Variants in KSR1 observed in about 807,000 individuals in gnomAD.
KSR1 encodes the protein kinase suppressor of ras 1.
In KSR1, 35 loss-of-function variants were observed where a neutral mutation model predicts 92.9. The ratio of observed to expected loss-of-function variants is 0.38; its 90% CI spans 0.29 to 0.50. KSR1 has a LOEUF of 0.50. Ranked by LOEUF, KSR1 falls within the 20% of genes least tolerant of loss-of-function variation. The pLI is 0.94. For synonymous variants in KSR1, 467 were observed against 472.6 expected, an observed-to-expected ratio of 0.99 and a Z score of 0.15; for missense variants, 972 against 1,158.5, an observed-to-expected ratio of 0.84 and a Z score of 2.34.
At chr17:27,576,707 GTGCATAGT>G (rs1424843695) in intron 2 of KSR1, among the ~76,000 whole-genome samples, 1 of 152,226 alleles carries the variant, frequency 6.6e-6, no homozygotes, top group African/African-American at 2.4e-5. Context: ...ACTCAGAATG[GTGCATAGT>G]TTAAAACTAT....
At chr17:27,611,299 C>T (rs112518000) in intron 17 of KSR1, 195 bp from the exon 18 acceptor site, 48 of 620,900 alleles carry the variant, frequency 7.7e-5, no homozygotes, top group South Asian at 1.4e-4. Context: ...TCCCACCCAA[C>T]GAGAGCACAG....
chr17:27,583,001 C>T lies in KSR1; in HGVS notation c.876C>T (p.Pro292=). ...KLKPPRTPPP[P]SRKVFQLLPS... is the part of the protein sequence containing the mutation. Reference sequence around the variant, plus strand: ...AGCCACCACGGACGCCCCCCCCACCCAGCCGCAAGGTCTTCCAGCTGCTGC... The same window carrying T: ...AGCCACCACGGACGCCCCCCCCACCTAGCCGCAAGGTCTTCCAGCTGCTGC... The change falls in exon 4 of 21, where the codon CCC becomes CCT. Residue 292 remains proline (P), a synonymous_variant. Transcript: ENST00000644974. 1 of 1,610,142 alleles carries T rather than the reference C, an allele frequency of 6.2e-7. No individual in the cohort carries two copies.
intron 2 of KSR1, among the ~76,000 whole-genome samples, chr17:27,570,477 C>T (rs2072263158): frequency 6.6e-6 from 1 of 152,192 alleles, no homozygotes; most frequent in Admixed American, 6.5e-5. Flanking sequence ...TCTCTTTCTC[C>T]CCTTTGACCT....
chr17:27,583,692 C>G (rs866637548), intron 4 of KSR1, among the ~76,000 whole-genome samples: 1 of 152,264 alleles, frequency 6.6e-6, no homozygotes, highest in African/African-American at 2.4e-5. Flanking sequence ...ACCATCTACT[C>G]TGTCCCATGA....
chr17:27,486,053 G>A (rs1332091440), intron 1 of KSR1, among the ~76,000 whole-genome samples: 1 of 152,198 alleles, frequency 6.6e-6, no homozygotes, highest in African/African-American at 2.4e-5. Flanking sequence ...ATGAACTCAG[G>A]TTTATGAGTG....
intron 1 of KSR1, among the ~76,000 whole-genome samples, chr17:27,542,196 A>G (rs551162695): frequency 3.9e-5 from 6 of 152,336 alleles, no homozygotes; most frequent in African/African-American, 1.4e-4. Context: ...AGGTAGAGGA[A>G]GTGATATGGT....
At chr17:27,467,403 A>G (rs891575321) in intron 1 of KSR1, among the ~76,000 whole-genome samples, 2 of 152,254 alleles carry the variant, frequency 1.3e-5, no homozygotes, top group African/African-American at 4.8e-5. Flanking sequence ...CTGAAAAATT[A>G]ACTCACAACA....
chr17:27,510,001 G>A (rs2069539497), intron 1 of KSR1, among the ~76,000 whole-genome samples: 1 of 152,140 alleles, frequency 6.6e-6, no homozygotes, highest in African/African-American at 2.4e-5. Flanking sequence ...TCCTAGTTTT[G>A]GGGGCCTGAG....
chr17:27,467,416 T>G (rs113880616), intron 1 of KSR1, among the ~76,000 whole-genome samples: 5,726 of 152,298 alleles, frequency 0.038, 338 homozygotes, highest in African/African-American at 0.13. Context: ...TCACAACATA[T>G]AGATGACTAA....
intron 19 of KSR1, among the ~76,000 whole-genome samples, chr17:27,620,665 G>T (rs892495784): frequency 5.9e-5 from 9 of 152,160 alleles, no homozygotes; most frequent in Non-Finnish European, 1.3e-4. Context: ...GGAGCATGGG[G>T]CTCTTAGCAG....
intron 2 of KSR1, among the ~76,000 whole-genome samples, chr17:27,555,516 G>A (rs2071559266): frequency 3.5e-5 from 2 of 57,042 alleles, no homozygotes; most frequent in Admixed American, 1.9e-4. Flanking sequence ...TTTGGCGTGT[G>A]TGTGTGTGTG....
At chr17:27,541,230 A>C (rs1358101797) in intron 1 of KSR1, among the ~76,000 whole-genome samples, 2 of 152,234 alleles carry the variant, frequency 1.3e-5, no homozygotes, top group African/African-American at 2.4e-5. Flanking sequence ...GCTGGTCCAC[A>C]ACTGCACCTG....
rs180958346 is a variant in KSR1 at position 27,575,582 on chromosome 17, A to G, written c.373-1910A>G. ...CCTTCTCTCTCACCCTATGATTAAGAATGCCTGACTTCCTGGGGATGCAGC... is the reference window on the plus strand; with the variant it reads ...CCTTCTCTCTCACCCTATGATTAAGGATGCCTGACTTCCTGGGGATGCAGC... On this transcript the variant is annotated intron_variant, in intron 2 of 20. Transcript: ENST00000644974. 2.1e-4 allele frequency among the ~76,000 whole-genome samples: 32 copies of G among 152,234 alleles called. No individual in the cohort carries two copies. The East Asian group carries it at 6.2e-3, about 29-fold the overall frequency.
At chr17:27,603,184 C>T (rs1347935741) in intron 11 of KSR1, among the ~76,000 whole-genome samples, 5 of 152,218 alleles carry the variant, frequency 3.3e-5, no homozygotes, top group Non-Finnish European at 5.9e-5. Flanking sequence ...ACTGGGAACA[C>T]CCCAGGCTCA....
intron 11 of KSR1, among the ~76,000 whole-genome samples, chr17:27,603,395 G>A (rs1232824713): frequency 1.3e-5 from 2 of 152,268 alleles, no homozygotes; most frequent in Non-Finnish European, 2.9e-5. Context: ...GCTGGCCAAA[G>A]TGAGGGAATC....
chr17:27,547,749 G>A (rs2151082648), intron 1 of KSR1, among the ~76,000 whole-genome samples: 1 of 152,174 alleles, frequency 6.6e-6, no homozygotes, highest in Middle Eastern at 3.4e-3. Flanking sequence ...CGATCACTAA[G>A]GCTGGCAGGC....
chr17:27,491,936 T>C (rs936278506), intron 1 of KSR1, among the ~76,000 whole-genome samples: 1 of 152,134 alleles, frequency 6.6e-6, no homozygotes, highest in Non-Finnish European at 1.5e-5. Context: ...AAGGGAGCAG[T>C]TGGTAGGCTG....
intron 1 of KSR1, among the ~76,000 whole-genome samples, chr17:27,526,044 T>TTTCTTTTCTTTTC (rs1555576232): frequency 8.1e-6 from 1 of 122,878 alleles, no homozygotes; most frequent in Non-Finnish European, 1.6e-5. Context: ...TTTCTTTTCT[T>TTTCTTTTCTTTTC]TCTCTCTCTC....
At chr17:27,583,788 C>T (rs554594943) in intron 4 of KSR1, among the ~76,000 whole-genome samples, 1 of 152,186 alleles carries the variant, frequency 6.6e-6, no homozygotes, top group South Asian at 2.1e-4. Context: ...TAGTTTTTGA[C>T]TTACAAATTT....
Sources: gnomAD v4.1 joint callset for allele counts (sites outside exome capture counted in the v4.1 genomes callset) on GRCh38, gnomAD v4.1.1 for gene constraint, MANE v1.5 for transcripts, NCBI Gene and HGNC (gene_info 2026-07-23, HGNC 2026-07-21) for gene names.